The following CCDC3 variants were observed in gnomAD, a reference collection of about 807,000 sequenced individuals.
The protein encoded by CCDC3 is coiled-coil domain containing 3.
CCDC3 carries 24 observed loss-of-function variants against 21.4 expected under a neutral mutation model. The observed-to-expected ratio is 1.12, with a 90% confidence interval of 0.81 to 1.58. The LOEUF is 1.58. Ranked by LOEUF, CCDC3 falls within the 40% of genes most tolerant of loss-of-function variation. The pLI is 0.00. For missense variants in CCDC3, 425 were observed against 360.9 expected, an observed-to-expected ratio of 1.18 and a Z score of -1.44; for synonymous variants, 186 against 166.0, an observed-to-expected ratio of 1.12 and a Z score of -0.93.
chr10:12,962,353 CT>C (rs1447853569), intron 2 of CCDC3, among the ~76,000 whole-genome samples: 1 of 152,202 alleles, frequency 6.6e-6, no homozygotes, highest in Admixed American at 6.5e-5. Context: ...GCCTGTAATC[CT>C]AGCACTTTGG....
At chr10:12,947,078 A>G (rs746934408) in intron 2 of CCDC3, among the ~76,000 whole-genome samples, 26 of 151,034 alleles carry the variant, frequency 1.7e-4, no homozygotes, top group Non-Finnish European at 3.5e-4. Flanking sequence ...CTGTCTCCTT[A>G]GTTTTTTGGA....
chr10:12,898,493 T>G lies in CCDC3; in HGVS notation c.736A>C (p.Ser246Arg). 1 of 1,614,032 alleles carries G rather than the reference T, an allele frequency of 6.2e-7. No homozygotes were observed. The highest frequency in any genetic ancestry group is 1.7e-4 in the Middle Eastern group (1 of 6,052). ...RHLELANQKL[S>R]EKLAAGALPH... ...AGCGCGCCCGCCGCCAGCTTCTCAC[T>G]GAGTTTCTGGTTCGCCAGCTCCAGG... The change falls in exon 3 of 3, where the codon AGT becomes CGT. Residue 246 changes from serine (S) to arginine (R), a missense_variant. Physicochemically the swap from Ser to Arg is moderately radical, Grantham distance 110. Transcript: ENST00000378825.
At chr10:13,068,747 T>C (rs1483147251) in intron 4 of CCDC3, among the ~76,000 whole-genome samples, 3 of 152,114 alleles carry the variant, frequency 2.0e-5, no homozygotes, top group Admixed American at 6.5e-5. Flanking sequence ...AGGTTCTACA[T>C]AAAAGTTAAA....
intron 3 of CCDC3, among the ~76,000 whole-genome samples, chr10:13,088,261 C>T (rs984177524): frequency 4.6e-5 from 7 of 152,180 alleles, no homozygotes; most frequent in Admixed American, 3.3e-4. Flanking sequence ...AAAGACTCAA[C>T]AATTTAGAAA....
At chr10:13,083,658 A>G (rs1343772276) in intron 3 of CCDC3, among the ~76,000 whole-genome samples, 1 of 152,172 alleles carries the variant, frequency 6.6e-6, no homozygotes, top group African/African-American at 2.4e-5. Flanking sequence ...TTATTTGGGA[A>G]TGTTATTACT....
intron 2 of CCDC3, among the ~76,000 whole-genome samples, chr10:12,903,158 C>T (rs1302279500): frequency 6.6e-6 from 1 of 152,192 alleles, no homozygotes; most frequent in Non-Finnish European, 1.5e-5. Flanking sequence ...TGTATCTCTG[C>T]AGCAAAGTGG....
rs1394055111 is a variant in CCDC3 at position 12,898,421 on chromosome 10, C to G, written c.808G>C (p.Gly270Arg). Residue 270 changes from glycine (G) to arginine (R), a missense_variant, in exon 3 of 3, where the codon GGG (glycine) becomes CGG (arginine). By Grantham distance (125) the Gly-to-Arg change is moderately radical. Transcript: ENST00000378825. Reference sequence around the variant, plus strand: ...CCTGGCAGCCCCCAGGCCCGTTACCCCCGCAGGTAGGGGGGGCGCACGGGC... The same window carrying G: ...CCTGGCAGCCCCCAGGCCCGTTACCGCCGCAGGTAGGGGGGGCGCACGGGC... ...RGPVRPPYLR[G>R] The G allele has an allele frequency of 6.3e-7, 1 of 1,599,222 alleles. No individual in the cohort carries two copies. The highest frequency in any genetic ancestry group is 1.7e-5 in the Admixed American group (1 of 58,600).
intron 3 of CCDC3, among the ~76,000 whole-genome samples, chr10:13,091,955 G>A (rs981419608): frequency 1.1e-4 from 16 of 152,142 alleles, no homozygotes; most frequent in South Asian, 2.1e-4. Flanking sequence ...GAAATTGAAA[G>A]GACACCAAAG....
intron 2 of CCDC3, among the ~76,000 whole-genome samples, chr10:12,965,796 C>G (rs944126048): frequency 1.1e-4 from 17 of 152,170 alleles, no homozygotes; most frequent in Admixed American, 6.5e-5. Flanking sequence ...GACAGAATGC[C>G]AAGTTGGCTC....
At chr10:12,996,439 G>A (rs962171412) in intron 2 of CCDC3, among the ~76,000 whole-genome samples, 11 of 152,036 alleles carry the variant, frequency 7.2e-5, no homozygotes, top group Non-Finnish European at 1.2e-4. Flanking sequence ...GAGTTCAAGC[G>A]ATTTTCCTGC....
At chr10:12,950,824 TGTGAG>T (rs1267729727) in intron 2 of CCDC3, among the ~76,000 whole-genome samples, 1 of 152,166 alleles carries the variant, frequency 6.6e-6, no homozygotes, top group Admixed American at 6.5e-5. Context: ...TGACAGACTC[TGTGAG>T]GAAGATATGG....
At chr10:13,091,429 C>CT (rs1832569791) in intron 3 of CCDC3, among the ~76,000 whole-genome samples, 1 of 152,142 alleles carries the variant, frequency 6.6e-6, no homozygotes, top group Non-Finnish European at 1.5e-5. Flanking sequence ...AAGATGATGT[C>CT]TATGAACCAG....
At chr10:12,982,266 A>G (rs1564308008) in intron 2 of CCDC3, among the ~76,000 whole-genome samples, 1 of 151,860 alleles carries the variant, frequency 6.6e-6, no homozygotes. Flanking sequence ...ATACTGCATG[A>G]TTCCACTTAT....
chr10:12,966,654 A>C (rs1589024545), intron 2 of CCDC3, among the ~76,000 whole-genome samples: 1 of 152,298 alleles, frequency 6.6e-6, no homozygotes, highest in East Asian at 1.9e-4. Flanking sequence ...TCCTAAGTCC[A>C]TCTAACCCTG....
intron 5 of CCDC3, among the ~76,000 whole-genome samples, chr10:13,023,498 C>G (rs1051000132): frequency 6.6e-6 from 1 of 152,108 alleles, no homozygotes; most frequent in Non-Finnish European, 1.5e-5. Flanking sequence ...AAGACCTGTT[C>G]TAAGAGAAGA....
At chr10:12,905,789 C>T (rs1183491746) in intron 2 of CCDC3, among the ~76,000 whole-genome samples, 2 of 152,236 alleles carry the variant, frequency 1.3e-5, no homozygotes, top group East Asian at 3.8e-4. Flanking sequence ...GCCCCTGTGC[C>T]CTGCTTGGGA....
intron 2 of CCDC3, among the ~76,000 whole-genome samples, chr10:12,960,394 G>A (rs756882841): frequency 1.3e-5 from 2 of 152,170 alleles, no homozygotes; most frequent in Non-Finnish European, 2.9e-5. Flanking sequence ...GGAGGCGGGA[G>A]AGAGACAGTC....
intron 2 of CCDC3, among the ~76,000 whole-genome samples, chr10:12,996,864 T>C (rs946420441): frequency 1.1e-4 from 16 of 151,972 alleles, no homozygotes; most frequent in African/African-American, 3.9e-4. Flanking sequence ...TCACTTATAA[T>C]GGGAGCTAAA....
chr10:12,962,759 G>A (rs1239434101), intron 2 of CCDC3, among the ~76,000 whole-genome samples: 1 of 152,200 alleles, frequency 6.6e-6, no homozygotes, highest in African/African-American at 2.4e-5. Context: ...ATTTTTAAGT[G>A]TGAAAAACAC....
Sources: allele counts gnomAD v4.1 joint callset (sites outside exome capture counted in the v4.1 genomes callset), GRCh38; gene constraint gnomAD v4.1.1; transcripts MANE v1.5; gene names NCBI Gene and HGNC (gene_info 2026-07-23, HGNC 2026-07-21).